Variants in CUX1 observed in about 807,000 individuals in gnomAD.
The protein encoded by CUX1 is protein CASP.
CUX1 carries 31 observed loss-of-function variants against 158.8 expected under a neutral mutation model. The ratio of observed to expected loss-of-function variants is 0.20; its 90% CI spans 0.15 to 0.26. CUX1 has a LOEUF of 0.26. CUX1 is among the 10% of genes least tolerant of loss of function. The probability of loss-of-function intolerance (pLI) is 1.00; values close to 1 mark genes in which losing one functional copy is unlikely to be tolerated. For synonymous variants in CUX1, 879 were observed against 862.1 expected, an observed-to-expected ratio of 1.02 and a Z score of -0.34; for missense variants, 1,589 against 2,014.6, an observed-to-expected ratio of 0.79 and a Z score of 4.04.
chr7:102,014,202 C>T (rs534159287), intron 2 of CUX1, among the ~76,000 whole-genome samples: 1 of 152,246 alleles, frequency 6.6e-6, no homozygotes, highest in South Asian at 2.1e-4. Context: ...GCCTTCGAAG[C>T]GGGTTGCTGT....
chr7:101,927,303 G>C (rs1805706091), intron 2 of CUX1, among the ~76,000 whole-genome samples: 1 of 152,134 alleles, frequency 6.6e-6, no homozygotes, highest in Non-Finnish European at 1.5e-5. Flanking sequence ...CACTTACTTT[G>C]AAGCGTCAGA....
chr7:102,072,762 G>A (rs1019428171), intron 4 of CUX1, among the ~76,000 whole-genome samples: 1 of 152,102 alleles, frequency 6.6e-6, no homozygotes, highest in Non-Finnish European at 1.5e-5. Context: ...CTGTCCCTCG[G>A]GCATCAGCAG....
At chr7:102,168,894 T>G (rs1435625422) in intron 9 of CUX1, among the ~76,000 whole-genome samples, 3 of 124,770 alleles carry the variant, frequency 2.4e-5, no homozygotes, top group Non-Finnish European at 4.8e-5. Context: ...TTTTCTTTTC[T>G]TTTCTTTTCT....
At chr7:102,282,992 G>C in intron 22 of CUX1, 1 of 1,588,206 alleles carries the variant, frequency 6.3e-7, no homozygotes, top group South Asian at 1.1e-5. Flanking sequence ...CACACACTCG[G>C]CCTCAGCAAA....
At chr7:102,012,219 ACT>A (rs1367072065) in intron 2 of CUX1, among the ~76,000 whole-genome samples, 3 of 151,452 alleles carry the variant, frequency 2.0e-5, no homozygotes, top group Non-Finnish European at 4.4e-5. Context: ...ATGGGGTCTC[ACT>A]CTGTTGCCCA....
intron 2 of CUX1, among the ~76,000 whole-genome samples, chr7:101,944,039 G>A (rs528537286): frequency 8.6e-5 from 13 of 151,680 alleles, no homozygotes; most frequent in East Asian, 3.9e-4. Flanking sequence ...GCTGTGACTC[G>A]GGAAAGAAAA....
At chr7:102,049,321 C>G (rs1387345841) in intron 3 of CUX1, among the ~76,000 whole-genome samples, 2 of 152,236 alleles carry the variant, frequency 1.3e-5, no homozygotes, top group African/African-American at 4.8e-5. Flanking sequence ...TCTGCCATTT[C>G]ATCTGCACAG....
At chr7:101,830,902 C>T (rs1170791697) in intron 1 of CUX1, among the ~76,000 whole-genome samples, 11 of 152,074 alleles carry the variant, frequency 7.2e-5, no homozygotes, top group Admixed American at 2.6e-4. Flanking sequence ...TTGGCAGTTC[C>T]GTGTGTTTTG....
At chr7:101,915,553 T>G (rs1197595038) in intron 1 of CUX1, among the ~76,000 whole-genome samples, 1 of 152,216 alleles carries the variant, frequency 6.6e-6, no homozygotes, top group Non-Finnish European at 1.5e-5. Flanking sequence ...GTCTCGAACA[T>G]GATGCTTGGC....
chr7:102,147,393 G>A (rs1226255173), intron 8 of CUX1, among the ~76,000 whole-genome samples: 1 of 152,168 alleles, frequency 6.6e-6, no homozygotes, highest in Non-Finnish European at 1.5e-5. Context: ...TTGGGCACGG[G>A]GATGAGTGAT....
chr7:102,065,789 G>GTT (rs58990888), intron 3 of CUX1, among the ~76,000 whole-genome samples: 1 of 148,830 alleles, frequency 6.7e-6, no homozygotes, highest in Non-Finnish European at 1.5e-5. Flanking sequence ...ACGTGGAGTG[G>GTT]TTTTTTTTTT....
At chr7:102,134,499 G>A (rs1297798992) in intron 8 of CUX1, among the ~76,000 whole-genome samples, 3 of 152,120 alleles carry the variant, frequency 2.0e-5, no homozygotes, top group African/African-American at 7.2e-5. Context: ...CTTCCAGAGG[G>A]GACCGTGGCA....
intron 20 of CUX1, among the ~76,000 whole-genome samples, chr7:102,211,075 G>A (rs1364512996): frequency 6.6e-6 from 1 of 152,208 alleles, no homozygotes; most frequent in Non-Finnish European, 1.5e-5. Flanking sequence ...AACAGTCAGT[G>A]TCGGGGGCAT....
At chr7:101,839,735 C>T (rs1795015953) in intron 1 of CUX1, among the ~76,000 whole-genome samples, 1 of 151,458 alleles carries the variant, frequency 6.6e-6, no homozygotes, top group African/African-American at 2.4e-5. Context: ...TTGTATGTTT[C>T]ACATGCGAAT....
At chr7:102,104,919 G>A (rs887675140) in intron 6 of CUX1, among the ~76,000 whole-genome samples, 2 of 152,136 alleles carry the variant, frequency 1.3e-5, no homozygotes, top group East Asian at 1.9e-4. Context: ...CATTTGTGAG[G>A]TTTCCTTGAG....
At chr7:101,928,905 C>T (rs997372584) in intron 2 of CUX1, among the ~76,000 whole-genome samples, 20 of 138,202 alleles carry the variant, frequency 1.4e-4, no homozygotes, top group East Asian at 6.9e-4. Context: ...CTCCTGACCT[C>T]GTGATCCACC....
intron 3 of CUX1, among the ~76,000 whole-genome samples, chr7:102,063,405 T>TC (rs1206200504): frequency 6.9e-5 from 10 of 145,508 alleles, no homozygotes; most frequent in African/African-American, 2.6e-4. Flanking sequence ...TTTTTTTTTT[T>TC]TGAGACGGAG....
intron 3 of CUX1, among the ~76,000 whole-genome samples, chr7:102,043,732 T>G (rs1822396523): frequency 6.6e-6 from 1 of 152,172 alleles, no homozygotes; most frequent in East Asian, 1.9e-4. Context: ...TTCAATCCCT[T>G]TGTGGTGTTG....
At chr7:102,030,198 G>GT (rs1820560043) in intron 3 of CUX1, among the ~76,000 whole-genome samples, 1 of 152,134 alleles carries the variant, frequency 6.6e-6, no homozygotes, top group Non-Finnish European at 1.5e-5. Context: ...TTTTAGTAGA[G>GT]ACGGGGTTTC....
Sources: gnomAD v4.1 joint callset for allele counts (sites outside exome capture counted in the v4.1 genomes callset) on GRCh38, gnomAD v4.1.1 for gene constraint, MANE v1.5 for transcripts, NCBI Gene and HGNC (gene_info 2026-07-23, HGNC 2026-07-21) for gene names.